Variants in DLC1 observed in about 807,000 individuals in gnomAD.
The protein encoded by DLC1 is DLC1 Rho GTPase activating protein.
In DLC1, 54 loss-of-function variants were observed where a neutral mutation model predicts 140.3. The ratio of observed to expected loss-of-function variants is 0.38; its 90% CI spans 0.31 to 0.48. The LOEUF (loss-of-function observed/expected upper bound fraction) is 0.48, where lower values mean the gene tolerates loss of function less well. Among genes scored for constraint, DLC1 ranks in the 20% least tolerant of loss-of-function variants. The pLI, the probability that DLC1 is intolerant of heterozygous loss-of-function variation, is 0.96. For missense variants in DLC1, 2,536 were observed against 1,907.0 expected (o/e 1.33, Z -6.14); for synonymous variants, 986 against 728.1 (o/e 1.35, Z -5.70).
intron 5 of DLC1, among the ~76,000 whole-genome samples, chr8:13,170,291 C>G (rs1825371875): frequency 6.6e-6 from 1 of 152,054 alleles, no homozygotes; most frequent in African/African-American, 2.4e-5. Context: ...CAATAGAACT[C>G]TTATTTAAAA....
At chr8:13,417,011 G>A (rs922791060) in intron 2 of DLC1, among the ~76,000 whole-genome samples, 15 of 152,088 alleles carry the variant, frequency 9.9e-5, no homozygotes, top group African/African-American at 3.6e-4. Flanking sequence ...CAGTAAATAA[G>A]TCCGAGGATT....
chr8:13,265,869 G>C (rs1431492088), intron 5 of DLC1, among the ~76,000 whole-genome samples: 1 of 152,154 alleles, frequency 6.6e-6, no homozygotes, highest in Non-Finnish European at 1.5e-5. Context: ...TGCACAGGGT[G>C]GTTGGTCACA....
chr8:13,459,027 C>T (rs1799538393), intron 2 of DLC1, among the ~76,000 whole-genome samples: 1 of 152,188 alleles, frequency 6.6e-6, no homozygotes, highest in African/African-American at 2.4e-5. Context: ...ACACATCAAT[C>T]TATTTCTTGC....
chr8:13,274,027 G>A (rs543499270), intron 5 of DLC1, among the ~76,000 whole-genome samples: 1 of 152,250 alleles, frequency 6.6e-6, no homozygotes, highest in South Asian at 2.1e-4. Context: ...AAAGAAAAGG[G>A]TTTGGACTTT....
rs972028254 is a variant in DLC1 at position 13,401,453 on chromosome 8, G to T, written c.1173+17C>A. On this transcript the variant is annotated intron_variant, in intron 3 of 17. Coordinates refer to ENST00000276297, the MANE Select transcript of DLC1 (RefSeq NM_182643.3). ...TACGACTCCTATGGGAAAAGAAGTA[G>T]AAAGTGGAAAGCTCACAGGAACGTG... The T allele has an allele frequency of 1.9e-6, 3 of 1,611,230 alleles. No homozygotes were observed. The highest frequency in any genetic ancestry group is 1.1e-5 in the South Asian group (1 of 90,848).
intron 4 of DLC1, among the ~76,000 whole-genome samples, chr8:13,379,796 C>T (rs1478633695): frequency 6.6e-6 from 1 of 152,122 alleles, no homozygotes; most frequent in East Asian, 1.9e-4. Flanking sequence ...TAACACTTAC[C>T]ATAGAATACT....
At chr8:13,571,327 A>G (rs1804646179) in intron 1 of DLC1, among the ~76,000 whole-genome samples, 1 of 151,936 alleles carries the variant, frequency 6.6e-6, no homozygotes, top group African/African-American at 2.4e-5. Flanking sequence ...ATTTTTTATC[A>G]CCTCAAACAG....
intron 4 of DLC1, among the ~76,000 whole-genome samples, chr8:13,370,597 C>T (rs536571168): frequency 3.3e-5 from 5 of 152,308 alleles, no homozygotes; most frequent in East Asian, 3.9e-4. Context: ...AGCATATTAA[C>T]GTGCATAACT....
intron 4 of DLC1, among the ~76,000 whole-genome samples, chr8:13,393,055 T>C (rs1046258964): frequency 6.6e-6 from 1 of 152,162 alleles, no homozygotes; most frequent in Non-Finnish European, 1.5e-5. Flanking sequence ...AATATATTTA[T>C]ATAATTATTA....
At chr8:13,188,844 T>TATATATATATATATATATATATA (rs1491498157) in intron 5 of DLC1, among the ~76,000 whole-genome samples, 1 of 25,840 alleles carries the variant, frequency 3.9e-5, no homozygotes, top group Admixed American at 5.6e-4. Flanking sequence ...TATATATATA[T>TATATATATATATATATATATATA]TTTTTTTTTT....
intron 5 of DLC1, among the ~76,000 whole-genome samples, chr8:13,201,144 A>T (rs986275145): frequency 6.6e-6 from 1 of 152,162 alleles, no homozygotes; most frequent in African/African-American, 2.4e-5. Context: ...CAAGGAAAAA[A>T]AAAAAGCCAA....
chr8:13,494,101 A>G (rs765093604), intron 2 of DLC1, among the ~76,000 whole-genome samples: 55 of 152,224 alleles, frequency 3.6e-4, no homozygotes, highest in Non-Finnish European at 6.6e-4. Context: ...TTTCATAATG[A>G]GGAAAGGTAT....
rs1414247799 is a variant in DLC1 at position 13,098,383 on chromosome 8, TC to T, written c.3167+15del. The T allele has an allele frequency of 6.2e-7, 1 of 1,613,132 alleles. No homozygotes were observed. The highest frequency in any genetic ancestry group is 1.3e-5 in the African/African-American group (1 of 75,050). ...ATCATTTTCAACGACAGTTGACTGA[TC>T]ATTTAAACTCTTACCAGCTAAAACC... On this transcript the variant is annotated intron_variant, in intron 10 of 17. Coordinates refer to ENST00000276297, the MANE Select transcript of DLC1 (RefSeq NM_182643.3).
chr8:13,238,408 G>A (rs1415308146), intron 5 of DLC1, among the ~76,000 whole-genome samples: 2 of 152,064 alleles, frequency 1.3e-5, no homozygotes, highest in African/African-American at 4.8e-5. Flanking sequence ...AGCTACAGGG[G>A]GAGGTGAGGC....
chr8:13,335,046 G>A (rs764131661), intron 4 of DLC1, among the ~76,000 whole-genome samples: 2 of 152,172 alleles, frequency 1.3e-5, no homozygotes, highest in Non-Finnish European at 2.9e-5. Flanking sequence ...AGGAGGGAGA[G>A]ACAAGTCTGG....
intron 16 of DLC1, among the ~76,000 whole-genome samples, chr8:13,087,306 G>C (rs373063521): frequency 8.5e-5 from 13 of 152,340 alleles, no homozygotes; most frequent in East Asian, 5.8e-4. Flanking sequence ...GGAGGCTGAG[G>C]GGGGAGGATT....
At chr8:13,467,562 GAC>G (rs1799997276) in intron 2 of DLC1, among the ~76,000 whole-genome samples, 1 of 151,944 alleles carries the variant, frequency 6.6e-6, no homozygotes, top group South Asian at 2.1e-4. Context: ...ATCATAGAGA[GAC>G]CCTGTCTTTA....
intron 1 of DLC1, among the ~76,000 whole-genome samples, chr8:13,511,267 C>T (rs934674895): frequency 6.6e-6 from 1 of 152,096 alleles, no homozygotes; most frequent in Admixed American, 6.5e-5. Context: ...CTTTTCCACC[C>T]ATTTATCTCA....
chr8:13,597,584 G>A (rs1050138582), intron 1 of DLC1, among the ~76,000 whole-genome samples: 1 of 151,996 alleles, frequency 6.6e-6, no homozygotes, highest in Non-Finnish European at 1.5e-5. Flanking sequence ...AAAGATCATA[G>A]TGTGTTTTAC....
Sources: gnomAD v4.1 joint callset for allele counts (sites outside exome capture counted in the v4.1 genomes callset) on GRCh38, gnomAD v4.1.1 for gene constraint, MANE v1.5 for transcripts, NCBI Gene and HGNC (gene_info 2026-07-23, HGNC 2026-07-21) for gene names.